ANO2: variants seen among roughly 807,000 people sequenced by gnomAD.
The protein encoded by ANO2 is anoctamin 2, also known as anoctamin-2.
In ANO2, 101 loss-of-function variants were observed where a neutral mutation model predicts 124.2. The ratio of observed to expected loss-of-function variants is 0.81; its 90% CI spans 0.69 to 0.96. The LOEUF is 0.96. Ranked by LOEUF, ANO2 falls within the 40% of genes least tolerant of loss-of-function variation. The probability of loss-of-function intolerance (pLI) is 0.00; values close to 1 mark genes in which losing one functional copy is unlikely to be tolerated. For missense variants in ANO2, 1,293 were observed against 1,274.5 expected (o/e 1.01, Z -0.22); for synonymous variants, 486 against 482.5 (o/e 1.01, Z -0.09).
At chr12:5,723,107 A>G (rs1174631738) in intron 14 of ANO2, among the ~76,000 whole-genome samples, 1 of 151,972 alleles carries the variant, frequency 6.6e-6, no homozygotes, top group African/African-American at 2.4e-5. Context: ...TTTTTTCAAG[A>G]GCCTTTCTTC....
intron 3 of ANO2, among the ~76,000 whole-genome samples, chr12:5,893,322 A>G (rs1939535705): frequency 6.6e-6 from 1 of 152,158 alleles, no homozygotes; most frequent in Non-Finnish European, 1.5e-5. Flanking sequence ...AGTGGGAGAA[A>G]ATATTCACAA....
chr12:5,640,543 C>T (rs1946292486), intron 15 of ANO2, among the ~76,000 whole-genome samples: 1 of 152,106 alleles, frequency 6.6e-6, no homozygotes, highest in Admixed American at 6.5e-5. Context: ...AAAAAAACAA[C>T]CCCATCAAAA....
chr12:5,766,818 C>T (rs1442099231), intron 10 of ANO2, among the ~76,000 whole-genome samples: 2 of 152,214 alleles, frequency 1.3e-5, no homozygotes. Flanking sequence ...ATGTAACACT[C>T]TGGCTCAGTC....
intron 23 of ANO2, among the ~76,000 whole-genome samples, chr12:5,571,784 A>G (rs750599009): frequency 1.3e-5 from 2 of 152,122 alleles, no homozygotes; most frequent in Admixed American, 1.3e-4. Flanking sequence ...TTAGAAAGAC[A>G]TCCATAGAGG....
At chr12:5,730,320 A>G (rs1950585982) in intron 14 of ANO2, among the ~76,000 whole-genome samples, 1 of 152,248 alleles carries the variant, frequency 6.6e-6, no homozygotes, top group South Asian at 2.1e-4. Context: ...AAAAGCAAAC[A>G]GGCCTTGGGG....
chr12:5,646,058 T>C (rs1946623076), intron 15 of ANO2, among the ~76,000 whole-genome samples: 2 of 152,232 alleles, frequency 1.3e-5, no homozygotes, highest in African/African-American at 4.8e-5. Context: ...CAGTTTCATC[T>C]TTACTCTGAA....
chr12:5,657,747 G>A (rs902353500), intron 14 of ANO2, among the ~76,000 whole-genome samples: 2 of 149,106 alleles, frequency 1.3e-5, no homozygotes, highest in African/African-American at 4.9e-5. Context: ...CTGAGTGTGG[G>A]GGATTCCCCA....
At chr12:5,766,251 G>A (rs1381347973) in intron 10 of ANO2, among the ~76,000 whole-genome samples, 1 of 152,162 alleles carries the variant, frequency 6.6e-6, no homozygotes, top group African/African-American at 2.4e-5. Flanking sequence ...ACACATACAG[G>A]GAGGTTCAGA....
intron 3 of ANO2, among the ~76,000 whole-genome samples, chr12:5,876,221 G>A (rs1938091662): frequency 6.6e-6 from 1 of 152,152 alleles, no homozygotes; most frequent in Admixed American, 6.5e-5. Flanking sequence ...GAATAAGACA[G>A]TATTTCTCCA....
At chr12:5,917,473 T>G (rs182271231) in intron 3 of ANO2, among the ~76,000 whole-genome samples, 16 of 152,246 alleles carry the variant, frequency 1.1e-4, no homozygotes, top group Non-Finnish European at 2.1e-4. Context: ...GTAATATTCT[T>G]TGTTAGTGTT....
At chr12:5,852,848 C>CGTGT (rs71445682) in intron 4 of ANO2, among the ~76,000 whole-genome samples, 21,827 of 123,696 alleles carry the variant, frequency 0.18, 1,972 homozygotes, top group East Asian at 0.25. Context: ...TGGAAAGGGA[C>CGTGT]GTGTGTGTGT....
intron 1 of ANO2, among the ~76,000 whole-genome samples, chr12:5,928,168 G>A (rs985128051): frequency 1.3e-5 from 2 of 152,174 alleles, no homozygotes; most frequent in African/African-American, 2.4e-5. Flanking sequence ...GGTGTCCTGA[G>A]GGAACTGGAC....
chr12:5,624,846 A>G (rs1865213464), intron 16 of ANO2, among the ~76,000 whole-genome samples: 1 of 152,216 alleles, frequency 6.6e-6, no homozygotes. Flanking sequence ...TGTTTTGGTC[A>G]GAGTGGTCAG....
At chr12:5,818,521 A>ATC (rs1953687757) in intron 7 of ANO2, among the ~76,000 whole-genome samples, 1 of 140,514 alleles carries the variant, frequency 7.1e-6, no homozygotes, top group African/African-American at 2.7e-5. Context: ...ATATATATAT[A>ATC]TCCTATTAGT....
At chr12:5,739,451 T>G (rs895909247) in intron 12 of ANO2, 52 bp from the exon 13 acceptor site, 5 of 1,485,448 alleles carry the variant, frequency 3.4e-6, no homozygotes, top group Non-Finnish European at 4.6e-6. Flanking sequence ...AAGAGTGGAT[T>G]CTGTACCCTT....
intron 14 of ANO2, among the ~76,000 whole-genome samples, chr12:5,720,570 A>G (rs919545171): frequency 5.9e-5 from 9 of 152,198 alleles, no homozygotes; most frequent in South Asian, 2.1e-4. Context: ...TCACATCCCA[A>G]TGGTATGTGC....
intron 7 of ANO2, among the ~76,000 whole-genome samples, chr12:5,814,915 G>T (rs1023064742): frequency 1.3e-5 from 2 of 152,204 alleles, no homozygotes; most frequent in Non-Finnish European, 2.9e-5. Context: ...TCTCTCTGTT[G>T]TGAAGTTAAT....
chr12:5,615,412 G>T, intron 16 of ANO2, 115 bp from the exon 17 acceptor site: 1 of 730,858 alleles, frequency 1.4e-6, no homozygotes, highest in South Asian at 1.8e-5. Flanking sequence ...CAAAAATCAC[G>T]AGACCCATCT....
intron 14 of ANO2, among the ~76,000 whole-genome samples, chr12:5,680,150 G>C (rs1331226201): frequency 6.6e-6 from 1 of 152,194 alleles, no homozygotes; most frequent in Admixed American, 6.5e-5. Flanking sequence ...GGTTATGGTG[G>C]GAGGAAGAGC....
Sources: allele counts gnomAD v4.1 joint callset (sites outside exome capture counted in the v4.1 genomes callset), GRCh38; gene constraint gnomAD v4.1.1; transcripts MANE v1.5; gene names NCBI Gene and HGNC (gene_info 2026-07-23, HGNC 2026-07-21).